ZBTB20: variants seen among roughly 807,000 people sequenced by gnomAD.
ZBTB20 encodes zinc finger and BTB domain-containing protein 20.
ZBTB20 carries 9 observed loss-of-function variants against 56.9 expected under a neutral mutation model. The ratio of observed to expected loss-of-function variants is 0.16; its 90% CI spans 0.10 to 0.28. The LOEUF (loss-of-function observed/expected upper bound fraction) is 0.28. Ranked by LOEUF, ZBTB20 falls within the 10% of genes least tolerant of loss-of-function variation. The pLI is 1.00. For missense variants in ZBTB20, 655 were observed against 1,003.0 expected (o/e 0.65, Z 4.69); for synonymous variants, 417 against 420.7 (o/e 0.99, Z 0.11).
At chr3:114,786,273 C>T (rs2070483180) in intron 5 of ZBTB20, among the ~76,000 whole-genome samples, 1 of 152,162 alleles carries the variant, frequency 6.6e-6, no homozygotes, top group South Asian at 2.1e-4. Context: ...GGTATTTCTC[C>T]TAATGCTATC....
intron 7 of ZBTB20, among the ~76,000 whole-genome samples, chr3:114,402,202 C>T (rs932217347): frequency 1.3e-5 from 2 of 152,146 alleles, no homozygotes; most frequent in African/African-American, 4.8e-5. Flanking sequence ...AGGACCAGCA[C>T]CTGGCTATGC....
intron 7 of ZBTB20, among the ~76,000 whole-genome samples, chr3:114,463,170 G>T (rs2109153906): frequency 6.6e-6 from 1 of 152,264 alleles, no homozygotes; most frequent in African/African-American, 2.4e-5. Context: ...CTTACAAATT[G>T]TTCTGAAGAT....
chr3:114,414,541 T>A (rs1398818572), intron 7 of ZBTB20, among the ~76,000 whole-genome samples: 5 of 152,050 alleles, frequency 3.3e-5, no homozygotes, highest in Admixed American at 6.6e-5. Flanking sequence ...GCCTAAAGGC[T>A]GTGATAACAT....
At chr3:114,594,226 T>G (rs2056095066) in intron 6 of ZBTB20, among the ~76,000 whole-genome samples, 1 of 152,018 alleles carries the variant, frequency 6.6e-6, no homozygotes, top group Admixed American at 6.6e-5. Flanking sequence ...TTCCAAAGTG[T>G]GTCTATAGTG....
At chr3:114,372,262 A>G (rs928115736) in intron 10 of ZBTB20, among the ~76,000 whole-genome samples, 1 of 152,216 alleles carries the variant, frequency 6.6e-6, no homozygotes, top group Non-Finnish European at 1.5e-5. Context: ...CCTGCATGGG[A>G]TGAGATGGCA....
intron 5 of ZBTB20, among the ~76,000 whole-genome samples, chr3:114,699,739 A>G (rs1036546200): frequency 3.9e-5 from 6 of 152,090 alleles, no homozygotes; most frequent in Admixed American, 1.3e-4. Context: ...ACTTCCTTCA[A>G]TAAGCATTCT....
intron 2 of ZBTB20, among the ~76,000 whole-genome samples, chr3:115,048,775 TTA>T (rs2081429763): frequency 6.6e-6 from 1 of 152,180 alleles, no homozygotes; most frequent in African/African-American, 2.4e-5. Context: ...TTTTAAATTG[TTA>T]TTTACATTTA....
chr3:114,992,017 T>C (rs1425595307), intron 2 of ZBTB20, among the ~76,000 whole-genome samples: 2 of 151,702 alleles, frequency 1.3e-5, no homozygotes, highest in African/African-American at 4.8e-5. Context: ...CTTATCTCTC[T>C]TTCTCTCCTA....
At chr3:115,100,638 C>G (rs1048099016) in intron 1 of ZBTB20, 1 of 152,158 alleles carries the variant, frequency 6.6e-6, no homozygotes, top group Non-Finnish European at 1.5e-5. Flanking sequence ...AGTTTAAGAG[C>G]AGCTGGCTCC....
Position 114,640,655 on chromosome 3 carries a change from G to A in ZBTB20, c.-295+52873C>T, listed in dbSNP as rs1286632969. ...CCTAGTTTGGATGATAAAATATGGG[G>A]TTACCCTGTATATAAGCTTTAAAAA... On this transcript the variant is annotated intron_variant, in intron 6 of 11. Transcript: ENST00000675478. Among the ~76,000 whole-genome samples, 4 of 152,062 alleles carry A rather than the reference G, an allele frequency of 2.6e-5. No homozygotes were observed. In the East Asian group the frequency reaches 7.7e-4, roughly 29 times the overall value.
intron 7 of ZBTB20, among the ~76,000 whole-genome samples, chr3:114,389,961 ACT>A (rs1268276016): frequency 6.6e-6 from 1 of 151,172 alleles, no homozygotes; most frequent in African/African-American, 2.4e-5. Context: ...CGTAAAACCT[ACT>A]CTCAGTAATT....
At chr3:114,925,629 C>T (rs2076127519) in intron 3 of ZBTB20, among the ~76,000 whole-genome samples, 1 of 152,090 alleles carries the variant, frequency 6.6e-6, no homozygotes, top group African/African-American at 2.4e-5. Flanking sequence ...TGGGTTCACA[C>T]AATTCTCCTG....
At chr3:114,509,439 T>C (rs1436464369) in intron 6 of ZBTB20, among the ~76,000 whole-genome samples, 2 of 150,660 alleles carry the variant, frequency 1.3e-5, no homozygotes, top group Admixed American at 6.6e-5. Flanking sequence ...GTGGTGGTGG[T>C]GGTGGTGGTG....
chr3:114,564,278 C>T (rs972081627), intron 6 of ZBTB20, among the ~76,000 whole-genome samples: 4 of 152,042 alleles, frequency 2.6e-5, no homozygotes, highest in South Asian at 2.1e-4. Flanking sequence ...TTAGTCACAT[C>T]TGTAAAGTCT....
At chr3:114,582,114 C>T (rs2054691455) in intron 6 of ZBTB20, 1 of 151,942 alleles carries the variant, frequency 6.6e-6, no homozygotes, top group African/African-American at 2.4e-5. Flanking sequence ...TGTTCTTTAC[C>T]TTTTGTTAAA....
At chr3:114,877,476 G>A (rs938259610) in intron 4 of ZBTB20, among the ~76,000 whole-genome samples, 1 of 152,190 alleles carries the variant, frequency 6.6e-6, no homozygotes, top group African/African-American at 2.4e-5. Flanking sequence ...TAAGCAGTCA[G>A]TGTTCTTGGG....
At chr3:114,445,334 T>TA (rs2091205515) in intron 7 of ZBTB20, among the ~76,000 whole-genome samples, 1 of 152,214 alleles carries the variant, frequency 6.6e-6, no homozygotes, top group Non-Finnish European at 1.5e-5. Flanking sequence ...CACCCAGCTA[T>TA]AGGGCTTTAA....
At position 114,372,145 on chromosome 3, in the gene ZBTB20, G is replaced by A. The variant is rs574038146; in HGVS notation, c.199+8072C>T. On this transcript the variant is annotated intron_variant, in intron 10 of 11. Coordinates refer to ENST00000675478, the MANE Select transcript of ZBTB20 (RefSeq NM_001348800.3). ...TTTAAGTAAGGATGTGAGAAGTCTT[G>A]ACAGATATGGAGAAGCACTAATTTT... is the stretch of plus-strand genomic sequence containing the variant. 5.3e-4 allele frequency among the ~76,000 whole-genome samples: 80 copies of A among 152,300 alleles called. 2 individuals are homozygous for A. The South Asian group carries it at 0.011, about 21-fold the overall frequency.
intron 5 of ZBTB20, among the ~76,000 whole-genome samples, chr3:114,761,191 T>C (rs959398375): frequency 1.3e-5 from 2 of 152,226 alleles, no homozygotes; most frequent in Admixed American, 6.5e-5. Flanking sequence ...TAAATATGTA[T>C]GTATTGAGCT....
Sources: gnomAD v4.1 joint callset for allele counts (sites outside exome capture counted in the v4.1 genomes callset) on GRCh38, gnomAD v4.1.1 for gene constraint, MANE v1.5 for transcripts, NCBI Gene and HGNC (gene_info 2026-07-23, HGNC 2026-07-21) for gene names.